BOD1L1: variants seen among roughly 807,000 people sequenced by gnomAD.
BOD1L1 encodes biorientation of chromosomes in cell division 1 like 1.
Under a neutral mutation model 240.7 loss-of-function variants are expected in BOD1L1, and 86 were observed. The observed-to-expected ratio is 0.36, with a 90% CI of 0.30 to 0.43. The LOEUF (loss-of-function observed/expected upper bound fraction) is 0.43, where lower values mean the gene tolerates loss of function less well. Ranked by LOEUF, BOD1L1 falls within the 20% of genes least tolerant of loss-of-function variation. The pLI, the probability that BOD1L1 is intolerant of heterozygous loss-of-function variation, is 1.00. For missense variants in BOD1L1, 3,554 were observed against 3,643.5 expected (o/e 0.98, Z 0.63); for synonymous variants, 1,268 against 1,272.3 (o/e 1.00, Z 0.07).
At chr4:13,583,207 C>G (rs1381933519) in intron 17 of BOD1L1, among the ~76,000 whole-genome samples, 1 of 151,272 alleles carries the variant, frequency 6.6e-6, no homozygotes, top group Non-Finnish European at 1.5e-5. Context: ...ATTAAATTAT[C>G]CCCCCATAGT....
At chr4:13,574,954 C>G (rs2052160) in intron 25 of BOD1L1, among the ~76,000 whole-genome samples, 15,486 of 150,570 alleles carry the variant, frequency 0.1, 882 homozygotes, top group Middle Eastern at 0.15. Flanking sequence ...GAGTCTCACT[C>G]TGTCACCCAG....
chr4:13,613,105 A>T lies in BOD1L1; in HGVS notation c.1324+407T>A, dbSNP rs531696573. On this transcript the variant is annotated intron_variant, in intron 5 of 25. Coordinates refer to ENST00000040738, the MANE Select transcript of BOD1L1 (RefSeq NM_148894.3). The surrounding 1 kb of genome is among the most constrained non-coding windows in gnomAD (Gnocchi z 4.0). ...AGTATACCACCTTTCGGTAAGTTCTATGAGCCCTTTTAGCAAATTATCAAA... is the reference window on the plus strand; with the variant it reads ...AGTATACCACCTTTCGGTAAGTTCTTTGAGCCCTTTTAGCAAATTATCAAA... 6.7e-4 allele frequency among the ~76,000 whole-genome samples: 102 copies of T among 152,288 alleles called. No individual in the cohort carries two copies. The highest frequency in any genetic ancestry group is 2.4e-3 in the African/African-American group (98 of 41,570).
At position 13,586,399 on chromosome 4, in the gene BOD1L1, T is replaced by A. The variant is rs764942057; in HGVS notation, c.8430A>T (p.Thr2810=). 6.2e-7 allele frequency: 1 copy of A among 1,609,208 alleles called. No individual in the cohort carries two copies. Among genetic ancestry groups the A allele is most frequent in the Non-Finnish European group, 8.5e-7 (1 of 1,176,586 alleles). Residue 2810 remains threonine (T), a synonymous_variant, in exon 17 of 26, where the codon ACA becomes ACT. Coordinates refer to ENST00000040738, the MANE Select transcript of BOD1L1 (RefSeq NM_148894.3). ...RQCPETEPHD[T]KEENSRDLEE... is the part of the protein sequence containing the mutation. ...AACTAATATGTGGAAAAAATACCTT[T>A]GTGTCATGTGGCTCCGTTTCAGGAC...
chr4:13,570,112 A>T lies in BOD1L1; in HGVS notation c.9055T>A (p.Ser3019Thr). 1.3e-6 allele frequency: 2 copies of T among 1,597,340 alleles called. No individual in the cohort carries two copies. The highest frequency in any genetic ancestry group is 1.7e-6 in the Non-Finnish European group (2 of 1,173,508). ...TCTCTCTTGCGCTTGATAGAAGGGG[A>T]GAGCTGTGTCTTTGATCTGCATTAA... ...SEAQRSKTQL[S>T]PSIKRKREVS... The change falls in exon 26 of 26, where the codon TCC becomes ACC. Residue 3019 changes from serine to threonine, a missense_variant. Coordinates refer to ENST00000040738, the MANE Select transcript of BOD1L1 (RefSeq NM_148894.3).
chr4:13,612,652 C>T (rs935540776), intron 5 of BOD1L1, among the ~76,000 whole-genome samples: 1 of 152,172 alleles, frequency 6.6e-6, no homozygotes, highest in African/African-American at 2.4e-5. Context: ...GAGGTCTGGC[C>T]TTTACCATTA....
intron 16 of BOD1L1, among the ~76,000 whole-genome samples, chr4:13,586,758 G>C (rs1408145428): frequency 6.6e-6 from 1 of 152,182 alleles, no homozygotes; most frequent in Non-Finnish European, 1.5e-5. Flanking sequence ...AGTTTCCAGA[G>C]ATACTTTAAC....
Position 13,604,334 on chromosome 4 carries a change from C to G in BOD1L1, c.2566G>C (p.Gly856Arg), listed in dbSNP as rs771956624. ...AATGTGATACCATGTTGCTTGGAACCCAGAGAATCTTTCTGAATTTTAGAA... is the reference window on the plus strand; with the variant it reads ...AATGTGATACCATGTTGCTTGGAACGCAGAGAATCTTTCTGAATTTTAGAA... ...SDSKIQKDSL[G>R]SKQHGITLQR... Residue 856 changes from glycine (G) to arginine (R), a missense_variant, in exon 10 of 26, where the codon GGT becomes CGT. Transcript: ENST00000040738. 6.3e-7 allele frequency: 1 copy of G among 1,582,536 alleles called. No homozygotes were observed. The highest frequency in any genetic ancestry group is 8.5e-7 in the Non-Finnish European group (1 of 1,170,436).
intron 1 of BOD1L1, among the ~76,000 whole-genome samples, chr4:13,622,808 C>A (rs1483971536): frequency 6.6e-6 from 1 of 152,222 alleles, no homozygotes; most frequent in Non-Finnish European, 1.5e-5. Context: ...TACACGTGGT[C>A]AACCCATCTG....
chr4:13,607,086 G>A (rs765103026), intron 9 of BOD1L1, 31 bp downstream of exon 9: 23 of 1,397,996 alleles, frequency 1.6e-5, no homozygotes, highest in Admixed American at 8.9e-5. Context: ...TAACAAAACA[G>A]CATTTGAAAT....
intron 10 of BOD1L1, among the ~76,000 whole-genome samples, chr4:13,597,809 T>A (rs1714744090): frequency 6.6e-6 from 1 of 152,230 alleles, no homozygotes; most frequent in Non-Finnish European, 1.5e-5. Flanking sequence ...TACTCCAGGC[T>A]AAATTCAACA....
chr4:13,627,296 T>C, intron 1 of BOD1L1, 49 bp downstream of exon 1: 1 of 1,115,670 alleles, frequency 9.0e-7, no homozygotes, highest in East Asian at 3.7e-5. Context: ...AGCGCGCCCT[T>C]GGGTCCTCCC....
chr4:13,577,041 T>G (rs1712812402), intron 24 of BOD1L1, 50 bp from the exon 25 acceptor site: 1 of 1,591,402 alleles, frequency 6.3e-7, no homozygotes, highest in African/African-American at 1.4e-5. Context: ...CCAAAGATAC[T>G]TCCAAGAGAG....
In BOD1L1 at chr4:13,613,063, A is replaced by C. The variant is rs541001388; in HGVS notation, c.1324+449T>G. Among the ~76,000 whole-genome samples, 244 of 152,274 alleles carry C rather than the reference A, an allele frequency of 1.6e-3. No homozygotes were observed. Among genetic ancestry groups the C allele is most frequent in the Non-Finnish European group, 3.0e-3 (205 of 68,022 alleles). On this transcript the variant is annotated intron_variant, in intron 5 of 25. Coordinates refer to ENST00000040738, the MANE Select transcript of BOD1L1 (RefSeq NM_148894.3). This position sits in a 1 kb window ranked among gnomAD's most constrained non-coding sequence, Gnocchi z 4.0. ...ATTTTAATCTGAGCACCTTAACTGT[A>C]AACAACCATAGCTGTGAGTATACCA...
rs754271734 is a variant in BOD1L1, at chr4:13,603,479, G to T, written c.3421C>A (p.Arg1141Ser). 3 of 1,613,806 alleles carry T rather than the reference G, an allele frequency of 1.9e-6. No individual in the cohort carries two copies. Among genetic ancestry groups the T allele is most frequent in the Non-Finnish European group, 2.5e-6 (3 of 1,179,852 alleles). ...ATGTCTTGCTGAGAATTATTATTGC[G>T]GTTGTCTTGGGTTTTAGATACTTCA... ...VFEVSKTQDN[R>S]NNNSQQDIDS... Residue 1141 changes from arginine to serine, a missense_variant, in exon 10 of 26, where the codon CGC (arginine) becomes AGC (serine). By Grantham distance (110) the Arg-to-Ser change is moderately radical. This residue lies in a region of BOD1L1 where 3,393 missense variants were observed against 3,427.1 expected (regional missense o/e 0.99). Transcript: ENST00000040738.
intron 16 of BOD1L1, 103 bp from the exon 17 acceptor site, chr4:13,586,578 G>T: frequency 3.2e-6 from 2 of 629,514 alleles, no homozygotes; most frequent in Non-Finnish European, 5.1e-6. Flanking sequence ...TCTTAGGCCT[G>T]TGATACAGAG....
chr4:13,578,987 T>C (rs16888850), intron 22 of BOD1L1, among the ~76,000 whole-genome samples: 8,458 of 152,296 alleles, frequency 0.056, 471 homozygotes, highest in African/African-American at 0.15. Context: ...TAAAGATTAG[T>C]TCAATGCACT....
At chr4:13,627,318 G>T in intron 1 of BOD1L1, 27 bp downstream of exon 1, 1 of 1,248,740 alleles carries the variant, frequency 8.0e-7, no homozygotes, top group African/African-American at 1.5e-5. Context: ...TTCCCTCGCA[G>T]ACCCCCAAAC....
intron 17 of BOD1L1, 26 bp from the exon 18 acceptor site, chr4:13,582,762 A>G: frequency 6.7e-7 from 1 of 1,498,862 alleles, no homozygotes. Context: ...AAAAGACTAG[A>G]ACCTTCTTCA....
At chr4:13,593,119 A>C (rs149379285) in intron 12 of BOD1L1, 2 of 152,308 alleles carry the variant, frequency 1.3e-5, no homozygotes, top group East Asian at 1.9e-4. Flanking sequence ...CGGGATGCTC[A>C]ATGAGGTATA....
Sources: allele counts gnomAD v4.1 joint callset (sites outside exome capture counted in the v4.1 genomes callset), GRCh38; gene constraint gnomAD v4.1.1; regional missense constraint gnomAD v4.1.1; non-coding constraint Gnocchi (gnomAD v3.1); transcripts MANE v1.5; gene names NCBI Gene and HGNC (gene_info 2026-07-23, HGNC 2026-07-21).